Variants in ITGB6 observed in about 807,000 individuals in gnomAD.
ITGB6 encodes integrin beta-6.
In ITGB6, 80 loss-of-function variants were observed where a neutral mutation model predicts 84.5. The ratio of observed to expected loss-of-function variants is 0.95; its 90% confidence interval spans 0.79 to 1.14. The LOEUF (loss-of-function observed/expected upper bound fraction) is 1.14. Ranked by LOEUF, ITGB6 falls within the 50% of genes most tolerant of loss-of-function variation. The pLI, the probability that ITGB6 is intolerant of heterozygous loss-of-function variation, is 0.00. For missense variants in ITGB6, 1,006 were observed against 968.0 expected, an observed-to-expected ratio of 1.04 and a Z score of -0.52; for synonymous variants, 383 against 354.9, an observed-to-expected ratio of 1.08 and a Z score of -0.89.
At chr2:160,102,429 C>G (rs1406786491) in intron 14 of ITGB6, among the ~76,000 whole-genome samples, 3 of 152,118 alleles carry the variant, frequency 2.0e-5, no homozygotes, top group Non-Finnish European at 2.9e-5. Flanking sequence ...TAACACTTGC[C>G]CTGGGTAGCC....
chr2:160,106,132 A>G (rs1475212007), intron 14 of ITGB6, among the ~76,000 whole-genome samples: 1 of 152,242 alleles, frequency 6.6e-6, no homozygotes, highest in East Asian at 1.9e-4. Flanking sequence ...GATATTTTCT[A>G]GCAATGTCAC....
chr2:160,149,312 A>T (rs6722950), intron 7 of ITGB6, among the ~76,000 whole-genome samples: 6,274 of 152,274 alleles, frequency 0.041, 468 homozygotes, highest in East Asian at 0.29. Context: ...CCAGACAAAC[A>T]GGGTCTGGAG....
intron 11 of ITGB6, among the ~76,000 whole-genome samples, chr2:160,125,908 G>T (rs1483022703): frequency 1.3e-5 from 2 of 152,154 alleles, no homozygotes; most frequent in Non-Finnish European, 2.9e-5. Flanking sequence ...AGCTAAGATC[G>T]TCTTTCTGCC....
chr2:160,168,921 T>C (rs1192142020), intron 7 of ITGB6, among the ~76,000 whole-genome samples: 3 of 152,250 alleles, frequency 2.0e-5, no homozygotes, highest in Admixed American at 6.5e-5. Context: ...AATTTTCTTT[T>C]AGGTAGGCTG....
chr2:160,113,104 C>T (rs756982920), intron 12 of ITGB6, among the ~76,000 whole-genome samples: 4 of 152,168 alleles, frequency 2.6e-5, no homozygotes, highest in African/African-American at 4.8e-5. Context: ...AAGTAGAAGA[C>T]GTTTTTCTCC....
chr2:160,164,674 C>T lies in ITGB6; in HGVS notation c.1017+4538G>A, dbSNP rs538535418. On this transcript the variant is annotated intron_variant, in intron 7 of 14. Transcript: ENST00000283249. The stretch of plus-strand genomic sequence containing the variant: ...TCATGCCACTGCACTCCAGCCTGGG[C>T]GACAGAGTGAGACTCTCTCTCAAGA... Among the ~76,000 whole-genome samples, 32 of 151,572 alleles carry T rather than the reference C, an allele frequency of 2.1e-4. No individual in the cohort carries two copies. In the South Asian group the frequency reaches 5.0e-3, roughly 24 times the overall value.
At chr2:160,116,030 T>G (rs662967) in intron 12 of ITGB6, among the ~76,000 whole-genome samples, 84,773 of 131,986 alleles carry the variant, frequency 0.64, 27,662 homozygotes, top group Admixed American at 0.71. Flanking sequence ...CCAAATCTAC[T>G]TCTGATTGGT....
intron 13 of ITGB6, among the ~76,000 whole-genome samples, chr2:160,111,658 C>T (rs572694535): frequency 2.3e-4 from 34 of 148,136 alleles, no homozygotes; most frequent in Middle Eastern, 3.5e-3. Flanking sequence ...CGGATCAACG[C>T]AACCTACACC....
intron 12 of ITGB6, among the ~76,000 whole-genome samples, chr2:160,114,413 C>T (rs1444489276): frequency 6.6e-6 from 1 of 152,100 alleles, no homozygotes; most frequent in East Asian, 1.9e-4. Flanking sequence ...AATAAGATGC[C>T]AGGCAGTCCG....
intron 4 of ITGB6, among the ~76,000 whole-genome samples, chr2:160,188,050 G>A (rs926172106): frequency 2.6e-5 from 4 of 152,094 alleles, no homozygotes; most frequent in African/African-American, 9.7e-5. Flanking sequence ...TACTCTAGGA[G>A]GTCAATATTA....
chr2:160,141,897 A>G, intron 8 of ITGB6, 85 bp downstream of exon 8: 1 of 809,494 alleles, frequency 1.2e-6, no homozygotes, highest in South Asian at 1.6e-5. Context: ...ACCAACAAGT[A>G]ACTAACATTT....
Position 160,101,780 on chromosome 2 carries a change from T to C in ITGB6, c.2323A>G (p.Lys775Glu). 6.2e-7 allele frequency: 1 copy of C among 1,603,622 alleles called. No individual in the cohort carries two copies. The highest frequency in any genetic ancestry group is 8.5e-7 in the Non-Finnish European group (1 of 1,170,690). Residue 775 changes from lysine (K) to glutamate (E), a missense_variant, in exon 15 of 15, where the codon AAA (lysine) becomes GAA (glutamate). Transcript: ENST00000283249. ...TCTACCTTTTGTTTTTCCCTGTGTT[T>C]ATAAGTTACATTTTTAAAAGTACTT... ...STSTFKNVTY[K>E]HREKQKVDLS...
chr2:160,126,663 G>A (rs978332522), intron 10 of ITGB6, 62 bp from the exon 11 acceptor site: 2 of 1,465,350 alleles, frequency 1.4e-6, no homozygotes, highest in Non-Finnish European at 9.4e-7. Context: ...TTGAGGGGGT[G>A]AGGGGCATCT....
intron 7 of ITGB6, among the ~76,000 whole-genome samples, chr2:160,160,641 G>A (rs1055636805): frequency 2.6e-5 from 4 of 152,084 alleles, no homozygotes; most frequent in Non-Finnish European, 4.4e-5. Flanking sequence ...CTTATGTCCC[G>A]GGGGTTGTCA....
intron 2 of ITGB6, among the ~76,000 whole-genome samples, chr2:160,197,456 C>A (rs1265029765): frequency 6.6e-6 from 1 of 152,154 alleles, no homozygotes; most frequent in East Asian, 1.9e-4. Flanking sequence ...ACCTGTCTTA[C>A]CTGATAGGCG....
At chr2:160,162,245 T>TA (rs1001602862) in intron 7 of ITGB6, among the ~76,000 whole-genome samples, 41 of 152,080 alleles carry the variant, frequency 2.7e-4, no homozygotes, top group African/African-American at 9.2e-4. Flanking sequence ...GAAAATATAA[T>TA]AAAAAACCCC....
chr2:160,109,728 T>C lies in ITGB6; in HGVS notation c.2102-1883A>G, dbSNP rs80117332. 3.3e-3 allele frequency among the ~76,000 whole-genome samples: 502 copies of C among 152,346 alleles called. 4 individuals carry two copies. Among genetic ancestry groups the C allele is most frequent in the African/African-American group, 0.011 (461 of 41,584 alleles). On this transcript the variant is annotated intron_variant, in intron 13 of 14. Transcript: ENST00000283249. ...GTCACCTCTATCACTGTGGGCAATG[T>C]GGCCCATCGAGTCCAGGTTGGTGCA... is the stretch of plus-strand genomic sequence containing the variant.
chr2:160,175,737 G>A (rs1345571394), intron 4 of ITGB6, among the ~76,000 whole-genome samples: 2 of 152,338 alleles, frequency 1.3e-5, no homozygotes, highest in African/African-American at 2.4e-5. Context: ...ATAATTCAAT[G>A]AGATCTATTA....
intron 4 of ITGB6, among the ~76,000 whole-genome samples, chr2:160,176,671 C>T (rs1290926799): frequency 6.6e-6 from 1 of 152,162 alleles, no homozygotes; most frequent in African/African-American, 2.4e-5. Flanking sequence ...TCATTTCTTA[C>T]ATAAATCACT....
Sources: gnomAD v4.1 joint callset for allele counts (sites outside exome capture counted in the v4.1 genomes callset) on GRCh38, gnomAD v4.1.1 for gene constraint, MANE v1.5 for transcripts, NCBI Gene and HGNC (gene_info 2026-07-23, HGNC 2026-07-21) for gene names.